PDE4D: variants seen among roughly 807,000 people sequenced by gnomAD.
PDE4D encodes the protein phosphodiesterase 4D, also known as 3',5'-cyclic-AMP phosphodiesterase 4D.
In PDE4D, 24 loss-of-function variants were observed where a neutral mutation model predicts 87.4. That is an observed-to-expected ratio of 0.27 (90% CI 0.20 to 0.39). The LOEUF (loss-of-function observed/expected upper bound fraction) is 0.39. Among genes scored for constraint, PDE4D ranks in the 10% least tolerant of loss-of-function variants. The pLI, the probability that PDE4D is intolerant of heterozygous loss-of-function variation, is 1.00. For synonymous variants in PDE4D, 384 were observed against 383.2 expected (o/e 1.00, Z -0.02); for missense variants, 714 against 1,041.0 (o/e 0.69, Z 4.32).
chr5:59,310,329 T>C (rs1431249210), intron 1 of PDE4D, among the ~76,000 whole-genome samples: 1 of 152,200 alleles, frequency 6.6e-6, no homozygotes, highest in Non-Finnish European at 1.5e-5. Context: ...TCCCTGCTTC[T>C]ATTCTGCATA....
chr5:59,668,777 A>AGAAGAAGAAGAAGAAG (rs1561440301), intron 1 of PDE4D, among the ~76,000 whole-genome samples: 1 of 130,922 alleles, frequency 7.6e-6, no homozygotes, highest in African/African-American at 3.2e-5. Flanking sequence ...AGAAGAAGAA[A>AGAAGAAGAAGAAGAAG]GAAGAAGAAG....
intron 1 of PDE4D, among the ~76,000 whole-genome samples, chr5:59,332,299 T>C (rs1776874244): frequency 6.6e-6 from 1 of 152,182 alleles, no homozygotes; most frequent in Admixed American, 6.5e-5. Flanking sequence ...AATATGTATG[T>C]ATATACTTTA....
intron 1 of PDE4D, among the ~76,000 whole-genome samples, chr5:59,780,304 T>G (rs1764486974): frequency 6.6e-6 from 1 of 152,178 alleles, no homozygotes; most frequent in Non-Finnish European, 1.5e-5. Flanking sequence ...AGGCAGAAGT[T>G]GCAGTGAGCT....
Position 60,274,035 on chromosome 5 carries a change from C to T in PDE4D, c.-89-88348G>A, listed in dbSNP as rs141073863. ...GGCATCAGGAGATGGTGAAAGGATC[C>T]ATGTTACCTTAAAAGGGAGGAAGCT... On this transcript the variant is annotated intron_variant, in intron 1 of 16. Transcript: ENST00000502484. Among the ~76,000 whole-genome samples the T allele has an allele frequency of 1.4e-3, 207 of 152,210 alleles. 2 individuals carry two copies. The highest frequency in any genetic ancestry group is 0.01 in the Middle Eastern group (3 of 294).
chr5:60,247,242 T>G (rs749095734), intron 1 of PDE4D, among the ~76,000 whole-genome samples: 1 of 151,978 alleles, frequency 6.6e-6, no homozygotes, highest in Non-Finnish European at 1.5e-5. Flanking sequence ...ACAGTATCAA[T>G]TCAAGTGTTT....
chr5:60,051,621 A>G (rs1382355705), intron 2 of PDE4D, among the ~76,000 whole-genome samples: 4 of 152,232 alleles, frequency 2.6e-5, no homozygotes, highest in African/African-American at 9.6e-5. Flanking sequence ...CGTCACAATT[A>G]AAAGAACTAA....
chr5:59,341,900 C>T (rs1778799365), intron 1 of PDE4D, among the ~76,000 whole-genome samples: 1 of 152,140 alleles, frequency 6.6e-6, no homozygotes, highest in Non-Finnish European at 1.5e-5. Context: ...TGACTGTTTA[C>T]TCTATGCCAG....
intron 1 of PDE4D, among the ~76,000 whole-genome samples, chr5:60,290,823 A>G (rs889063192): frequency 1.2e-4 from 19 of 152,126 alleles, no homozygotes; most frequent in African/African-American, 4.6e-4. Context: ...AAAAATAATA[A>G]TAACAAATAG....
At chr5:60,064,948 A>G (rs1771888554) in intron 2 of PDE4D, among the ~76,000 whole-genome samples, 1 of 152,184 alleles carries the variant, frequency 6.6e-6, no homozygotes, top group Admixed American at 6.6e-5. Flanking sequence ...TGACTGCAAA[A>G]GAGTAGGAAC....
chr5:60,071,672 A>G (rs2152896509), intron 2 of PDE4D, among the ~76,000 whole-genome samples: 1 of 152,064 alleles, frequency 6.6e-6, no homozygotes, highest in South Asian at 2.1e-4. Flanking sequence ...AGTTTGTTGT[A>G]CAGATTATTT....
At position 59,396,891 on chromosome 5, in the gene PDE4D, T is replaced by C. The variant is rs1322353894; in HGVS notation, c.456-180923A>G. On this transcript the variant is annotated intron_variant, in intron 1 of 14. Transcript: ENST00000340635. ...CAAAATAAAAGGATGGAGGAAGATC[T>C]ACCAAGCAAATGGAAAACAAAAAAA... 1.6e-4 allele frequency among the ~76,000 whole-genome samples: 18 copies of C among 114,120 alleles called. 5 individuals are homozygous for C. The highest frequency in any genetic ancestry group is 3.1e-4 in the Non-Finnish European group (17 of 54,512). 74.9% of individuals were successfully genotyped at this position (114,120 alleles called of 152,430 possible).
At chr5:59,520,080 G>A (rs6870929) in intron 1 of PDE4D, among the ~76,000 whole-genome samples, 9,972 of 152,028 alleles carry the variant, frequency 0.066, 1,013 homozygotes, top group African/African-American at 0.22. Flanking sequence ...TGGCCAACAT[G>A]GTAAACCTCA....
intron 4 of PDE4D, among the ~76,000 whole-genome samples, chr5:59,183,216 T>C (rs1053540451): frequency 7.9e-5 from 12 of 152,186 alleles, no homozygotes; most frequent in African/African-American, 2.9e-4. Context: ...CAAATTTGCA[T>C]TGACCAAAAG....
chr5:60,022,748 TC>T (rs1004144319), intron 2 of PDE4D: 1 of 152,302 alleles, frequency 6.6e-6, no homozygotes, highest in Non-Finnish European at 1.5e-5. Flanking sequence ...TTTAGTTGAC[TC>T]CCTATCACAG....
chr5:59,639,759 G>A (rs898136639), intron 1 of PDE4D, among the ~76,000 whole-genome samples: 1 of 151,216 alleles, frequency 6.6e-6, no homozygotes, highest in African/African-American at 2.4e-5. Context: ...AATCAATTTG[G>A]TTTTACAGGA....
At chr5:60,430,173 T>C (rs1219399842) in intron 1 of PDE4D, 1 of 523,536 alleles carries the variant, frequency 1.9e-6, no homozygotes, top group Non-Finnish European at 3.8e-6. Context: ...TGAAGCCCAC[T>C]CCATGAATGC....
chr5:60,429,984 T>C lies in PDE4D; in HGVS notation c.-90+57958A>G, dbSNP rs948662273. On this transcript the variant is annotated intron_variant, in intron 1 of 16. Transcript: ENST00000502484. ...CAACCAAAGTATAGAGCTTGTTTGG[T>C]AAATCTTTATCTTCATTACATTTTC... is the stretch of plus-strand genomic sequence containing the variant. 1.3e-4 allele frequency: 66 copies of C among 519,784 alleles called. 4 individuals are homozygous for C. Among genetic ancestry groups the C allele is most frequent in the South Asian group, 9.1e-4 (65 of 71,386 alleles). 32.2% of individuals were successfully genotyped at this position (519,784 alleles called of 1,614,324 possible).
chr5:59,070,384 G>T (rs1764584970), intron 5 of PDE4D, among the ~76,000 whole-genome samples: 1 of 151,846 alleles, frequency 6.6e-6, no homozygotes, highest in Non-Finnish European at 1.5e-5. Flanking sequence ...CTCCCCAGAG[G>T]GTACCCATTT....
At chr5:59,338,902 TAAA>T (rs1045004246) in intron 1 of PDE4D, among the ~76,000 whole-genome samples, 1 of 152,100 alleles carries the variant, frequency 6.6e-6, no homozygotes, top group African/African-American at 2.4e-5. Flanking sequence ...CCTCAGAAAA[TAAA>T]AAAAGTAATT....
Sources: gnomAD v4.1 joint callset for allele counts (sites outside exome capture counted in the v4.1 genomes callset) on GRCh38, gnomAD v4.1.1 for gene constraint, MANE v1.5 for transcripts, NCBI Gene and HGNC (gene_info 2026-07-23, HGNC 2026-07-21) for gene names.